IGF2BP2: variants seen among roughly 807,000 people sequenced by gnomAD.
The protein encoded by IGF2BP2 is insulin like growth factor 2 mRNA binding protein 2, also known as insulin-like growth factor 2 mRNA-binding protein 2.
IGF2BP2 carries 17 observed loss-of-function variants against 75.8 expected under a neutral mutation model. That is an observed-to-expected ratio of 0.22 (90% CI 0.15 to 0.34). The LOEUF (loss-of-function observed/expected upper bound fraction) is 0.34, where lower values mean the gene tolerates loss of function less well. IGF2BP2 is among the 10% of genes least tolerant of loss of function. The pLI, the probability that IGF2BP2 is intolerant of heterozygous loss-of-function variation, is 1.00. For synonymous variants in IGF2BP2, 288 were observed against 295.6 expected (o/e 0.97, Z 0.26); for missense variants, 516 against 772.4 (o/e 0.67, Z 3.93).
intron 6 of IGF2BP2, among the ~76,000 whole-genome samples, chr3:185,688,057 CCTCT>C (rs1044852433): frequency 5.3e-5 from 8 of 152,038 alleles, no homozygotes; most frequent in South Asian, 2.1e-4. Context: ...CAGTAACTTC[CCTCT>C]CTATTTCCTC....
chr3:185,804,981 A>C (rs2149970470), intron 2 of IGF2BP2, among the ~76,000 whole-genome samples: 1 of 145,002 alleles, frequency 6.9e-6, no homozygotes, highest in Admixed American at 6.8e-5. Context: ...TGACAGAGCA[A>C]GACTCCGTCT....
chr3:185,713,819 G>A (rs1725183069), intron 2 of IGF2BP2, among the ~76,000 whole-genome samples: 1 of 152,128 alleles, frequency 6.6e-6, no homozygotes, highest in Non-Finnish European at 1.5e-5. Flanking sequence ...TCCTGCCTCA[G>A]CCTCCTGAGT....
chr3:185,660,291 G>A (rs1161908224), intron 10 of IGF2BP2, among the ~76,000 whole-genome samples: 1 of 152,200 alleles, frequency 6.6e-6, no homozygotes, highest in African/African-American at 2.4e-5. Context: ...GTGGTCAGAC[G>A]TGGCTGAGGT....
At chr3:185,651,950 G>A in intron 13 of IGF2BP2, 144 bp downstream of exon 13, 2 of 556,874 alleles carry the variant, frequency 3.6e-6, no homozygotes, top group Non-Finnish European at 6.3e-6. Context: ...AACAGCCAGG[G>A]ATGACAGGGT....
At chr3:185,785,660 A>T (rs568731724) in intron 2 of IGF2BP2, among the ~76,000 whole-genome samples, 2 of 151,490 alleles carry the variant, frequency 1.3e-5, no homozygotes, top group South Asian at 2.1e-4. Flanking sequence ...CTCTAAAAAT[A>T]AAAAAAATAA....
At chr3:185,787,219 G>A (rs1020185643) in intron 2 of IGF2BP2, among the ~76,000 whole-genome samples, 5 of 152,080 alleles carry the variant, frequency 3.3e-5, no homozygotes, top group Non-Finnish European at 5.9e-5. Flanking sequence ...AGTGGCGATG[G>A]CTGCATAAAC....
At chr3:185,677,050 TATATATATATATATATATAGAGAG>T (rs1719582243) in intron 7 of IGF2BP2, among the ~76,000 whole-genome samples, 1 of 47,978 alleles carries the variant, frequency 2.1e-5, no homozygotes, top group Admixed American at 2.4e-4. Flanking sequence ...TGGAGATATA[TATATATATATATATATATAGAGAG>T]AGAGAGAGAG....
intron 2 of IGF2BP2, among the ~76,000 whole-genome samples, chr3:185,785,242 A>G (rs1735718431): frequency 6.9e-6 from 1 of 145,940 alleles, no homozygotes; most frequent in African/African-American, 2.5e-5. Context: ...TGGAGACTGT[A>G]GTGAGCCGAG....
intron 2 of IGF2BP2, among the ~76,000 whole-genome samples, chr3:185,796,612 G>C (rs1365568343): frequency 1.8e-5 from 2 of 109,894 alleles, no homozygotes; most frequent in Non-Finnish European, 3.4e-5. Context: ...CAATTCCTGA[G>C]CTAGGAAAAA....
intron 8 of IGF2BP2, 78 bp downstream of exon 8, chr3:185,675,713 G>A: frequency 6.6e-7 from 1 of 1,507,788 alleles, no homozygotes. Context: ...TTAGGGAAAA[G>A]TAGATGAATG....
At chr3:185,669,176 C>T (rs1297225253) in intron 10 of IGF2BP2, among the ~76,000 whole-genome samples, 1 of 152,064 alleles carries the variant, frequency 6.6e-6, no homozygotes, top group East Asian at 1.9e-4. Flanking sequence ...AAGTAATATA[C>T]CTTTTTTTGT....
chr3:185,648,042 G>A (rs1390180455), intron 14 of IGF2BP2, among the ~76,000 whole-genome samples: 2 of 152,216 alleles, frequency 1.3e-5, no homozygotes, highest in Non-Finnish European at 1.5e-5. Context: ...GCCCTGGAGC[G>A]CCGACTGCAT....
intron 2 of IGF2BP2, among the ~76,000 whole-genome samples, chr3:185,704,859 T>C (rs1180636190): frequency 1.3e-5 from 2 of 152,206 alleles, no homozygotes; most frequent in Non-Finnish European, 2.9e-5. Context: ...CTTTCTTTGT[T>C]GCAAAATGAC....
chr3:185,801,923 A>G (rs986023019), intron 2 of IGF2BP2, among the ~76,000 whole-genome samples: 1 of 151,942 alleles, frequency 6.6e-6, no homozygotes, highest in Non-Finnish European at 1.5e-5. Flanking sequence ...GGACCAGAAA[A>G]CCAAACACCA....
chr3:185,757,281 A>G (rs571692100), intron 2 of IGF2BP2, among the ~76,000 whole-genome samples: 38 of 152,268 alleles, frequency 2.5e-4, no homozygotes, highest in African/African-American at 8.7e-4. Flanking sequence ...ATTCTCATTC[A>G]TTCAAAAAGT....
chr3:185,643,779 C>CTTTTTTTTTTTTTTTTTTTTTTT lies in IGF2BP2; in HGVS notation c.*1751_*1752insAAAAAAAAAAAAAAAAAAAAAAA, dbSNP rs933340628. ...ATATTTCTGTTTTTTCTTTTTTTTT[C>CTTTTTTTTTTTTTTTTTTTTTTT]TTTTTTTTTTTTTTTTTTTTGTCAC... On this transcript the variant is annotated 3_prime_UTR_variant, in exon 16 of 16. Transcript: ENST00000382199. 4 of 111,984 alleles carry CTTTTTTTTTTTTTTTTTTTTTTT rather than the reference C, an allele frequency of 3.6e-5. No homozygotes were observed. Among genetic ancestry groups the CTTTTTTTTTTTTTTTTTTTTTTT allele is most frequent in the Non-Finnish European group, 5.3e-5 (3 of 56,600 alleles). 6.9% of individuals were successfully genotyped at this position (111,984 alleles called of 1,614,324 possible).
intron 7 of IGF2BP2, among the ~76,000 whole-genome samples, chr3:185,685,469 T>C (rs981494182): frequency 2.6e-5 from 4 of 152,184 alleles, no homozygotes; most frequent in African/African-American, 9.6e-5. Flanking sequence ...AAATAATTCA[T>C]AATAGAAAGG....
chr3:185,739,599 G>A (rs1729276102), intron 2 of IGF2BP2, among the ~76,000 whole-genome samples: 1 of 152,064 alleles, frequency 6.6e-6, no homozygotes, highest in Admixed American at 6.5e-5. Context: ...GTCCCGTGAT[G>A]AGGACAGATT....
intron 2 of IGF2BP2, among the ~76,000 whole-genome samples, chr3:185,702,753 T>G (rs975789986): frequency 3.3e-5 from 5 of 152,094 alleles, no homozygotes; most frequent in Admixed American, 1.3e-4. Context: ...TCCCCATCTC[T>G]ATCTTTAAAC....
Sources: gnomAD v4.1 joint callset for allele counts (sites outside exome capture counted in the v4.1 genomes callset) on GRCh38, gnomAD v4.1.1 for gene constraint, MANE v1.5 for transcripts, NCBI Gene and HGNC (gene_info 2026-07-23, HGNC 2026-07-21) for gene names.